The following POGK variants were observed in gnomAD, a reference collection of about 807,000 sequenced individuals.
The protein encoded by POGK is pogo transposable element with KRAB domain.
POGK carries 16 observed loss-of-function variants against 54.4 expected under a neutral mutation model. The observed-to-expected ratio is 0.29, with a 90% CI of 0.20 to 0.45. The LOEUF (loss-of-function observed/expected upper bound fraction) is 0.45, where lower values mean the gene tolerates loss of function less well. Ranked by LOEUF, POGK falls within the 20% of genes least tolerant of loss-of-function variation. The pLI is 1.00. For synonymous variants in POGK, 271 were observed against 302.2 expected (o/e 0.90, Z 1.07); for missense variants, 515 against 795.6 (o/e 0.65, Z 4.24).
chr1:166,846,842 G>T, intron 3 of POGK, 104 bp downstream of exon 3: 2 of 1,441,754 alleles, frequency 1.4e-6, no homozygotes, highest in South Asian at 1.3e-5. Flanking sequence ...CCTGAACTTA[G>T]ACTCTGCCTC....
chr1:166,844,494 C>A (rs1657753904), intron 2 of POGK, among the ~76,000 whole-genome samples: 1 of 152,146 alleles, frequency 6.6e-6, no homozygotes, highest in Non-Finnish European at 1.5e-5. Context: ...AAGACGAATC[C>A]ATTTTACCTC....
intron 3 of POGK, among the ~76,000 whole-genome samples, chr1:166,846,971 A>C (rs1657874778): frequency 6.6e-6 from 1 of 152,202 alleles, no homozygotes; most frequent in Non-Finnish European, 1.5e-5. Flanking sequence ...AGGCATTCAC[A>C]TTTAAGGATA....
rs760581870 is a variant in POGK, at chr1:166,849,724, G to C, written c.1145G>C (p.Gly382Ala). 2.0e-5 allele frequency: 32 copies of C among 1,614,156 alleles called. No individual in the cohort carries two copies. Among genetic ancestry groups the C allele is most frequent in the Non-Finnish European group, 2.7e-5 (32 of 1,180,062 alleles). Residue 382 changes from glycine (G) to alanine (A), a missense_variant, in exon 5 of 6, where the codon GGC becomes GCC. This residue lies in a region of POGK where 461 missense variants were observed against 743.5 expected (regional missense o/e 0.62). Coordinates refer to ENST00000367876, the MANE Select transcript of POGK (RefSeq NM_017542.5). ...TCACGGGTAACTGTTGATAACCAGGGCGAAAAGCCTGTCTTGGTCAAGACA... is the reference window on the plus strand; with the variant it reads ...TCACGGGTAACTGTTGATAACCAGGCCGAAAAGCCTGTCTTGGTCAAGACA... ...VPSRVTVDNQ[G>A]EKPVLVKTPG...
At chr1:166,839,772 G>A (rs2101740967) in intron 1 of POGK, 168 bp downstream of exon 1, 1 of 148,784 alleles carries the variant, frequency 6.7e-6, no homozygotes, top group South Asian at 2.1e-4. Flanking sequence ...CCCGGCAGGT[G>A]CGCTGGGGCC....
intron 5 of POGK, chr1:166,852,254 T>G (rs1658100374): frequency 6.6e-6 from 1 of 152,204 alleles, no homozygotes; most frequent in Admixed American, 6.5e-5. Context: ...ACTTTTAATT[T>G]CCTAAGCTCC....
chr1:166,853,277 T>C lies in POGK; in HGVS notation c.*707T>C, dbSNP rs1293056581. On this transcript the variant is annotated 3_prime_UTR_variant, in exon 6 of 6. Transcript: ENST00000367876. ...TGTTTTATTTATCTTCCCAACCTGA[T>C]TGGCAGCTAGACTTTTTTAGGGTCT... 1 of 152,684 alleles carries C rather than the reference T, an allele frequency of 6.5e-6. No individual in the cohort carries two copies. The highest frequency in any genetic ancestry group is 2.4e-5 in the African/African-American group (1 of 41,468). The allele number at this position is 152,684 out of a possible 1,614,324, so 9.5% of individuals were successfully genotyped here.
At chr1:166,842,648 C>T (rs139023339) in intron 2 of POGK, among the ~76,000 whole-genome samples, 68 of 152,260 alleles carry the variant, frequency 4.5e-4, no homozygotes, top group African/African-American at 1.5e-3. Flanking sequence ...TTTGCCCCCA[C>T]CCCTGGACAT....
chr1:166,846,119 A>T (rs1450691878), intron 2 of POGK, among the ~76,000 whole-genome samples: 1 of 152,040 alleles, frequency 6.6e-6, no homozygotes, highest in African/African-American at 2.4e-5. Context: ...CAAAGATCCC[A>T]CGGAGGGCAG....
chr1:166,849,668 A>G lies in POGK; in HGVS notation c.1089A>G (p.Ala363=). 1 of 1,614,288 alleles carries G rather than the reference A, an allele frequency of 6.2e-7. No homozygotes were observed. The highest frequency in any genetic ancestry group is 1.7e-5 in the Admixed American group (1 of 60,032). Residue 363 remains alanine, a synonymous_variant, in exon 5 of 6, where the codon GCA becomes GCG. Coordinates refer to ENST00000367876, the MANE Select transcript of POGK (RefSeq NM_017542.5). ...ATGAGGTAGCTCAGATGGGGAATGCAGATGAGACGCCCATTTGTTTAGAGG... is the reference window on the plus strand; with the variant it reads ...ATGAGGTAGCTCAGATGGGGAATGCGGATGAGACGCCCATTTGTTTAGAGG... The part of the protein sequence containing the change: ...HDYEVAQMGN[A]DETPICLEVP...
intron 5 of POGK, 55 bp downstream of exon 5, chr1:166,850,478 A>T: frequency 6.6e-7 from 1 of 1,504,810 alleles, no homozygotes; most frequent in Non-Finnish European, 8.8e-7. Context: ...TGTGTTCTAC[A>T]AACACCTTCT....
At chr1:166,851,118 ACTTTTTTC>A (rs1303515017) in intron 5 of POGK, 1 of 152,142 alleles carries the variant, frequency 6.6e-6, no homozygotes, top group Non-Finnish European at 1.5e-5. Context: ...TGAAAAGCCA[ACTTTTTTC>A]TTTCCCTTTT....
In POGK at chr1:166,855,903, G is replaced by GTA. The variant is rs1408807033; in HGVS notation, c.*3335_*3336dup. The GTA allele has an allele frequency of 1.3e-5, 2 of 152,108 alleles. No individual in the cohort carries two copies. The highest frequency in any genetic ancestry group is 3.8e-4 in the East Asian group (2 of 5,202). 9.4% of individuals were successfully genotyped at this position (152,108 alleles called of 1,614,324 possible). On this transcript the variant is annotated 3_prime_UTR_variant, in exon 6 of 6. Transcript: ENST00000367876. ...GTCCAAACCAAAAAACTATATTCGA[G>GTA]TATCAGTTTAAATTCTTCCAAGCCC...
chr1:166,845,301 T>C (rs1008356340), intron 2 of POGK, among the ~76,000 whole-genome samples: 5 of 144,198 alleles, frequency 3.5e-5, no homozygotes, highest in African/African-American at 1.3e-4. Flanking sequence ...GAGGTTGCAG[T>C]GAGCCAAGAT....
intron 2 of POGK, among the ~76,000 whole-genome samples, chr1:166,845,994 G>A (rs1657829611): frequency 6.6e-6 from 1 of 152,132 alleles, no homozygotes; most frequent in South Asian, 2.1e-4. Flanking sequence ...TGCTCTTGTG[G>A]ATTGGAAAGG....
rs759442514 is a variant in POGK at position 166,840,993 on chromosome 1, AAAGAAG to A, written c.39_44del (p.Glu19_Glu20del). 1.1e-5 allele frequency: 17 copies of A among 1,613,962 alleles called. No homozygotes were observed. The highest frequency in any genetic ancestry group is 1.4e-5 in the Non-Finnish European group (17 of 1,179,986). ...AGCCTACCCTCTCAATTTGAGCCTGAAAGAAGAGGAAGAGGAAGAAGAGATTCAGAG... is the reference window on the plus strand; with the variant it reads ...AGCCTACCCTCTCAATTTGAGCCTGAAGGAAGAGGAAGAAGAGATTCAGAG... On this transcript the variant is annotated inframe_deletion, in exon 2 of 6. Transcript: ENST00000367876.
chr1:166,840,305 C>T (rs1174947804), intron 1 of POGK: 1 of 152,340 alleles, frequency 6.6e-6, no homozygotes. Flanking sequence ...GGGCCCCAGC[C>T]GATTTCTGCA....
intron 3 of POGK, 50 bp downstream of exon 3, chr1:166,846,788 T>C: frequency 2.5e-6 from 4 of 1,606,874 alleles, no homozygotes; most frequent in Non-Finnish European, 3.4e-6. Flanking sequence ...CCCAGAGAAT[T>C]GTTTCCATGC....
At chr1:166,843,500 T>TA (rs1657622788) in intron 2 of POGK, among the ~76,000 whole-genome samples, 1 of 152,244 alleles carries the variant, frequency 6.6e-6, no homozygotes, top group African/African-American at 2.4e-5. Context: ...ACAAGTTACT[T>TA]AACCACTCTG....
At chr1:166,844,918 G>C (rs1657773306) in intron 2 of POGK, among the ~76,000 whole-genome samples, 1 of 152,168 alleles carries the variant, frequency 6.6e-6, no homozygotes, top group African/African-American at 2.4e-5. Context: ...TGGAAGATGG[G>C]TGGGTGTCAG....
Sources: allele counts gnomAD v4.1 joint callset (sites outside exome capture counted in the v4.1 genomes callset), GRCh38; gene constraint gnomAD v4.1.1; regional missense constraint gnomAD v4.1.1; transcripts MANE v1.5; gene names NCBI Gene and HGNC (gene_info 2026-07-23, HGNC 2026-07-21).